The following RASAL3 variants were observed in gnomAD, a reference collection of about 807,000 sequenced individuals.
The protein encoded by RASAL3 is RAS protein activator like-3.
A neutral mutation model predicts 105.5 loss-of-function variants in RASAL3; 74 were observed. The observed-to-expected ratio is 0.70, with a 90% CI of 0.58 to 0.85. The LOEUF (loss-of-function observed/expected upper bound fraction) is 0.85, where lower values mean the gene tolerates loss of function less well. Among genes scored for constraint, RASAL3 ranks in the 40% least tolerant of loss-of-function variants. RASAL3 has a pLI of 0.00. For missense variants in RASAL3, 1,352 were observed against 1,392.0 expected, an observed-to-expected ratio of 0.97 and a Z score of 0.46; for synonymous variants, 579 against 591.6, an observed-to-expected ratio of 0.98 and a Z score of 0.31.
At chr19:15,460,312 C>T in intron 5 of RASAL3, 54 bp from the exon 6 acceptor site, 7 of 1,534,892 alleles carry the variant, frequency 4.6e-6, no homozygotes, top group Non-Finnish European at 6.2e-6. Flanking sequence ...TCCTCAGCTC[C>T]TTCCCTCCCA....
chr19:15,456,032 C>T lies in RASAL3; in HGVS notation c.1721+72G>A, dbSNP rs139775324. 1,309 of 1,524,150 alleles carry T rather than the reference C, an allele frequency of 8.6e-4. 14 individuals carry two copies. The South Asian group carries it at 0.011, about 12-fold the overall frequency. 94.4% of individuals were successfully genotyped at this position (1,524,150 alleles called of 1,614,324 possible). A position where few individuals can be genotyped will look rare whatever the true frequency, so the allele number is the denominator to read the frequency against. On this transcript the variant is annotated intron_variant, in intron 11 of 17. Transcript: ENST00000343625. This position sits in a 1 kb window ranked among gnomAD's most constrained non-coding sequence, Gnocchi z 4.4. ...GAGTGTCTCCTGTATTTTATCTGGC[C>T]ACCCTAAACTGGAGGTCGGGGCTAG...
chr19:15,461,372 A>C, intron 3 of RASAL3, 76 bp from the exon 4 acceptor site: 1 of 1,536,682 alleles, frequency 6.5e-7, no homozygotes, highest in East Asian at 2.4e-5. Context: ...AGGGAGAGGC[A>C]GACACCTTCC....
chr19:15,461,360 C>T (rs1426147713), intron 3 of RASAL3, 64 bp from the exon 4 acceptor site: 36 of 1,553,416 alleles, frequency 2.3e-5, no homozygotes, highest in Admixed American at 3.7e-5. Flanking sequence ...GCAGGCAGAC[C>T]GAGGGAGAGG....
At chr19:15,463,116 C>T (rs1225514708) in intron 2 of RASAL3, among the ~76,000 whole-genome samples, 1 of 149,014 alleles carries the variant, frequency 6.7e-6, no homozygotes, top group African/African-American at 2.5e-5. Flanking sequence ...GATGGAGTCT[C>T]CCTCTGTCGC....
chr19:15,459,644 C>T (rs1970447027), intron 6 of RASAL3, among the ~76,000 whole-genome samples: 1 of 152,000 alleles, frequency 6.6e-6, no homozygotes, highest in African/African-American at 2.4e-5. Flanking sequence ...CTCAAGCAAT[C>T]CTCCCACTCA....
chr19:15,457,708 G>A lies in RASAL3; in HGVS notation c.1015C>T (p.Arg339Cys), dbSNP rs1477304944. The A allele has an allele frequency of 6.7e-7, 1 of 1,494,592 alleles. No individual in the cohort carries two copies. The highest frequency in any genetic ancestry group is 2.4e-4 in the Middle Eastern group (1 of 4,120). 92.6% of individuals were successfully genotyped at this position (1,494,592 alleles called of 1,614,324 possible). A position where few individuals can be genotyped will look rare whatever the true frequency, so the allele number is the denominator to read the frequency against. Reference sequence around the variant, plus strand: ...CCTGGGCCGGCCCGAGGCGCCGTGCGTGCCAGCAGCGCGCCATCCAGCCAC... The same window carrying A: ...CCTGGGCCGGCCCGAGGCGCCGTGCATGCCAGCAGCGCGCCATCCAGCCAC... Reference protein sequence around the residue: ...ELWLDGALLARTAPRAGPGQL... With the variant: ...ELWLDGALLACTAPRAGPGQL... The change falls in exon 9 of 18, where the codon CGC becomes TGC. Residue 339 changes from arginine to cysteine, a missense_variant. Arg to Cys is a radical substitution (Grantham distance 180). Transcript: ENST00000343625. This position sits in a 1 kb window ranked among gnomAD's most constrained non-coding sequence, Gnocchi z 8.6.
chr19:15,461,065 CGTTGTG>C lies in RASAL3; in HGVS notation c.595_600del (p.His199_Asn200del), dbSNP rs768905005. The C allele has an allele frequency of 1.2e-5, 20 of 1,613,890 alleles. No individual in the cohort carries two copies. The South Asian group carries it at 2.0e-4, about 16-fold the overall frequency. ...ACCTTCACTGGCTGCCTTACCCGAACGTTGTGGACCTGGTTGGGACCAGCAGTCTCC... is the reference window on the plus strand; with the variant it reads ...ACCTTCACTGGCTGCCTTACCCGAACGACCTGGTTGGGACCAGCAGTCTCC... On this transcript the variant is annotated inframe_deletion, in exon 5 of 18. Coordinates refer to ENST00000343625, the MANE Select transcript of RASAL3 (RefSeq NM_022904.3).
Position 15,464,265 on chromosome 19 carries a change from C to G in RASAL3, c.94G>C (p.Glu32Gln). The change falls in exon 2 of 18, where the codon GAG (glutamate) becomes CAG (glutamine). Residue 32 changes from glutamate (E) to glutamine (Q), a missense_variant. By Grantham distance (29) the Glu-to-Gln change is conservative. Coordinates refer to ENST00000343625, the MANE Select transcript of RASAL3 (RefSeq NM_022904.3). ...SYRWHTGGGG[E>Q]KAAGGFRWGR... is the part of the protein sequence containing the mutation. ...CAGCGGAACCCTCCAGCCGCCTTCT[C>G]CCCACCGCCCCCTGTGTGCCAGCGG... 6.2e-7 allele frequency: 1 copy of G among 1,609,950 alleles called. No individual in the cohort carries two copies. The highest frequency in any genetic ancestry group is 2.2e-5 in the East Asian group (1 of 44,772).
At chr19:15,463,917 T>C (rs542738731) in intron 2 of RASAL3, 114 bp downstream of exon 2, 45 of 1,008,682 alleles carry the variant, frequency 4.5e-5, no homozygotes, top group Non-Finnish European at 6.2e-5. Flanking sequence ...CCTGCTGGGC[T>C]TTTGCACTCC....
chr19:15,460,822 G>A (rs1970483875), intron 5 of RASAL3, among the ~76,000 whole-genome samples: 1 of 152,174 alleles, frequency 6.6e-6, no homozygotes, highest in South Asian at 2.1e-4. Context: ...AGCCTCCCGA[G>A]TAGCTTGGAC....
At position 15,464,362 on chromosome 19, in the gene RASAL3, TGG is replaced by T. The variant is rs371577799; in HGVS notation, c.-6_-5del. ...GGCTTGGCGACGGTGGGTCCATGGT[TGG>T]GGGGGGGGGTCTCCTGGGGGACGAG... On this transcript the variant is annotated 5_prime_UTR_variant, in exon 2 of 18. Transcript: ENST00000343625. 0.024 allele frequency: 23,870 copies of T among 989,612 alleles called. 147 individuals carry two copies. Among genetic ancestry groups the T allele is most frequent in the African/African-American group, 0.11 (4,948 of 43,698 alleles). 61.3% of individuals were successfully genotyped at this position (989,612 alleles called of 1,614,324 possible). A position where few individuals can be genotyped will look rare whatever the true frequency, so the allele number is the denominator to read the frequency against.
At chr19:15,452,180 C>G in intron 16 of RASAL3, 72 bp from the exon 17 acceptor site, 2 of 1,515,852 alleles carry the variant, frequency 1.3e-6, no homozygotes, top group Non-Finnish European at 1.8e-6. Context: ...GTGGGAGTGC[C>G]AGGGACTCCG....
rs1462377638 is a variant in RASAL3, at chr19:15,454,541, G to A, written c.1980C>T (p.Tyr660=). The change falls in exon 13 of 18, where the codon TAC becomes TAT. Residue 660 remains tyrosine (Y), a synonymous_variant. Coordinates refer to ENST00000343625, the MANE Select transcript of RASAL3 (RefSeq NM_022904.3). ...NRAPFGEKEA[Y]MGFMNSFLEE... ...CCAGGAAGCTATTCATGAAGCCCAT[G>A]TAGGCCTCCTTCTCACCGAACCTGG... The A allele has an allele frequency of 1.9e-6, 3 of 1,614,010 alleles. No homozygotes were observed. Among genetic ancestry groups the A allele is most frequent in the Admixed American group, 1.7e-5 (1 of 60,020 alleles).
rs774671057 is a variant in RASAL3 at position 15,452,815 on chromosome 19, A to G, written c.2671T>C (p.Leu891=). The change falls in exon 16 of 18, where the codon TTG becomes CTG. Residue 891 remains leucine (L), a splice_region_variant and synonymous_variant. Coordinates refer to ENST00000343625, the MANE Select transcript of RASAL3 (RefSeq NM_022904.3). ...ALGTHRPVNK[L]AELQCEVAAL... is the part of the protein sequence containing the mutation. The stretch of plus-strand genomic sequence containing the variant: ...GCCACCTCGCACTGCAGCTCTGCCA[A>G]CTGTGGTGGGAGAGCAGCTGTAATC... The G allele has an allele frequency of 1.9e-6, 3 of 1,549,026 alleles. No individual in the cohort carries two copies. The highest frequency in any genetic ancestry group is 1.2e-5 in the South Asian group (1 of 83,804).
Position 15,456,131 on chromosome 19 carries a change from A to C in RASAL3, c.1694T>G (p.Val565Gly), listed in dbSNP as rs779029568. ...QARLRNSCEE[V>G]FETIIHSYDW... ...GTAGGAATGGATAATGGTTTCGAAG[A>C]CCTCCTCGCAGCTGTTCCGAAGTCT... The change falls in exon 11 of 18, where the codon GTC (valine) becomes GGC (glycine). Residue 565 changes from valine to glycine, a missense_variant. By Grantham distance (109) the Val-to-Gly change is moderately radical (BLOSUM62 -3). This residue lies in a region of RASAL3 where 920 missense variants were observed against 919.6 expected (regional missense o/e 1.00). Transcript: ENST00000343625. The surrounding 1 kb of genome is among the most constrained non-coding windows in gnomAD (Gnocchi z 4.4). 3.3e-5 allele frequency: 54 copies of C among 1,613,328 alleles called. No individual in the cohort carries two copies. Among genetic ancestry groups the C allele is most frequent in the Non-Finnish European group, 4.2e-5 (50 of 1,179,710 alleles).
chr19:15,454,591 G>A (rs1294879922), intron 12 of RASAL3, 29 bp from the exon 13 acceptor site: 2 of 1,612,968 alleles, frequency 1.2e-6, no homozygotes, highest in Admixed American at 3.3e-5. Context: ...GGGTGGGTCA[G>A]GTCAGGCACC....
At position 15,460,950 on chromosome 19, in the gene RASAL3, A is replaced by G; in HGVS notation, c.606+110T>C. The G allele has an allele frequency of 6.2e-6, 6 of 961,080 alleles. No homozygotes were observed. The South Asian group carries it at 8.4e-5, about 13-fold the overall frequency. The allele number at this position is 961,080 out of a possible 1,614,324, so 59.5% of individuals were successfully genotyped here. ...GACAGACTGGGACTCTGAGGCCCAA[A>G]GAGGGTCAGCAACCTGCTCCAGATC... On this transcript the variant is annotated intron_variant, in intron 5 of 17. Transcript: ENST00000343625.
intron 11 of RASAL3, among the ~76,000 whole-genome samples, chr19:15,455,859 C>G (rs1970297688): frequency 6.6e-6 from 1 of 152,120 alleles, no homozygotes; most frequent in Non-Finnish European, 1.5e-5. Context: ...CTATGTTGCC[C>G]AGACTGGCCT....
chr19:15,457,674 A>G lies in RASAL3; in HGVS notation c.1049T>C (p.Phe350Ser). 1 of 1,450,608 alleles carries G rather than the reference A, an allele frequency of 6.9e-7. No homozygotes were observed. Among genetic ancestry groups the G allele is most frequent in the African/African-American group, 1.5e-5 (1 of 65,942 alleles). 89.9% of individuals were successfully genotyped at this position (1,450,608 alleles called of 1,614,324 possible). Reference sequence around the variant, plus strand: ...CTCGAAGTGGAAGCGCTCGGCCCAGAAGAGCTGGCCTGGGCCGGCCCGAGG... The same window carrying G: ...CTCGAAGTGGAAGCGCTCGGCCCAGGAGAGCTGGCCTGGGCCGGCCCGAGG... ...TAPRAGPGQL[F>S]WAERFHFEAL... is the part of the protein sequence containing the mutation. The change falls in exon 9 of 18, where the codon TTC (phenylalanine) becomes TCC (serine). Residue 350 changes from phenylalanine to serine, a missense_variant. Transcript: ENST00000343625. The surrounding 1 kb of genome is among the most constrained non-coding windows in gnomAD (Gnocchi z 8.6).
Sources: allele counts gnomAD v4.1 joint callset (sites outside exome capture counted in the v4.1 genomes callset), GRCh38; gene constraint gnomAD v4.1.1; regional missense constraint gnomAD v4.1.1; non-coding constraint Gnocchi (gnomAD v3.1); transcripts MANE v1.5; gene names NCBI Gene and HGNC (gene_info 2026-07-23, HGNC 2026-07-21).